SPIDR: variants seen among roughly 807,000 people sequenced by gnomAD.
The protein encoded by SPIDR is DNA repair-scaffolding protein.
In SPIDR, 93 loss-of-function variants were observed where a neutral mutation model predicts 104.6. That is an observed-to-expected ratio of 0.89 (90% CI 0.75 to 1.06). SPIDR has a LOEUF of 1.06. SPIDR is among the 50% of genes least tolerant of loss of function. SPIDR has a pLI of 0.00. For missense variants in SPIDR, 1,154 were observed against 1,111.2 expected (o/e 1.04, Z -0.55); for synonymous variants, 431 against 416.9 (o/e 1.03, Z -0.41).
intron 5 of SPIDR, among the ~76,000 whole-genome samples, chr8:47,342,115 G>C (rs1554614470): frequency 6.6e-6 from 1 of 152,080 alleles, no homozygotes; most frequent in African/African-American, 2.4e-5. Context: ...ATTTAGTATG[G>C]GAGGAGGATT....
intron 7 of SPIDR, among the ~76,000 whole-genome samples, chr8:47,424,450 AC>A (rs2066086517): frequency 1.3e-5 from 2 of 152,096 alleles, no homozygotes. Flanking sequence ...GACTACAGTC[AC>A]ATGCCACCAC....
At chr8:47,696,263 T>G (rs1399415025) in intron 11 of SPIDR, among the ~76,000 whole-genome samples, 3 of 152,254 alleles carry the variant, frequency 2.0e-5, no homozygotes, top group Non-Finnish European at 4.4e-5. Flanking sequence ...CTTTGTGATT[T>G]GTTTTCTACT....
intron 1 of SPIDR, among the ~76,000 whole-genome samples, chr8:47,261,286 G>A (rs930270255): frequency 2.1e-4 from 32 of 152,352 alleles, no homozygotes; most frequent in African/African-American, 7.7e-4. Flanking sequence ...CCGCCTCGGG[G>A]GTACTTGGCC....
intron 5 of SPIDR, among the ~76,000 whole-genome samples, chr8:47,391,332 A>C (rs144955151): frequency 1.1e-4 from 17 of 151,720 alleles, no homozygotes; most frequent in African/African-American, 4.1e-4. Context: ...GAGCTCAGGA[A>C]TTTGAGACCA....
intron 10 of SPIDR, among the ~76,000 whole-genome samples, chr8:47,620,708 C>G (rs2065027344): frequency 6.6e-6 from 1 of 151,810 alleles, no homozygotes; most frequent in Admixed American, 6.6e-5. Flanking sequence ...ATCTCCACCT[C>G]CCGGGTTCAA....
chr8:47,454,324 G>T (rs2072511812), intron 8 of SPIDR, among the ~76,000 whole-genome samples: 1 of 152,124 alleles, frequency 6.6e-6, no homozygotes. Flanking sequence ...CATGTCCTTT[G>T]TAGGGATATG....
intron 8 of SPIDR, among the ~76,000 whole-genome samples, chr8:47,473,509 C>T (rs782042290): frequency 1.1e-4 from 17 of 152,320 alleles, no homozygotes; most frequent in Non-Finnish European, 2.5e-4. Flanking sequence ...CTGAAAAGCT[C>T]ATAATTCTCC....
At position 47,545,071 on chromosome 8, in the gene SPIDR, TTTTCTTTCTTTCTTTCTTTCTTTC is replaced by T. The variant is rs566816481; in HGVS notation, c.1098-50712_1098-50689del. Reference sequence around the variant, plus strand: ...TTACACCAAAGTCTTTCTTTTTATCTTTTCTTTCTTTCTTTCTTTCTTTCTTTCTTTCTTTCTTTCTTTCTTTCT... The same window carrying T: ...TTACACCAAAGTCTTTCTTTTTATCTTTTCTTTCTTTCTTTCTTTCTTTCT... On this transcript the variant is annotated intron_variant, in intron 8 of 19. Transcript: ENST00000297423. 4.4e-3 allele frequency among the ~76,000 whole-genome samples: 550 copies of T among 124,772 alleles called. 7 individuals are homozygous for T. Among genetic ancestry groups the T allele is most frequent in the African/African-American group, 0.013 (407 of 32,292 alleles). 81.9% of individuals were successfully genotyped at this position (124,772 alleles called of 152,430 possible).
At chr8:47,512,184 T>C (rs973015274) in intron 8 of SPIDR, 5 of 367,808 alleles carry the variant, frequency 1.4e-5, no homozygotes, top group Non-Finnish European at 2.5e-5. Flanking sequence ...TACTTTCTTA[T>C]CATTTCTAAA....
chr8:47,577,772 G>C (rs541369597), intron 8 of SPIDR, among the ~76,000 whole-genome samples: 1 of 152,150 alleles, frequency 6.6e-6, no homozygotes, highest in Non-Finnish European at 1.5e-5. Flanking sequence ...GGGTCCAATA[G>C]CATCAACATA....
In SPIDR at chr8:47,505,015, G is replaced by A. The variant is rs186026872; in HGVS notation, c.1097+64473G>A. ...GAAGTTTTGTCTCAGCGGAGTACCC[G>A]GCCGTGTGAGGTGTCAGTCTGCCCC... On this transcript the variant is annotated intron_variant, in intron 8 of 19. Coordinates refer to ENST00000297423, the MANE Select transcript of SPIDR (RefSeq NM_001080394.4). 1.9e-4 allele frequency among the ~76,000 whole-genome samples: 29 copies of A among 151,130 alleles called. No homozygotes were observed. The East Asian group carries it at 5.7e-3, about 29-fold the overall frequency.
At chr8:47,706,844 G>A (rs1034630829) in intron 14 of SPIDR, among the ~76,000 whole-genome samples, 4 of 152,144 alleles carry the variant, frequency 2.6e-5, no homozygotes, top group Admixed American at 1.3e-4. Context: ...GTGGCCAGTC[G>A]CAGTGCCTCA....
chr8:47,461,868 C>G (rs1297239220), intron 8 of SPIDR, among the ~76,000 whole-genome samples: 1 of 151,576 alleles, frequency 6.6e-6, no homozygotes, highest in Non-Finnish European at 1.5e-5. Context: ...TTCTCTGATG[C>G]CTCCTTGATT....
chr8:47,328,973 G>T (rs1330463052), intron 5 of SPIDR, among the ~76,000 whole-genome samples: 1 of 151,718 alleles, frequency 6.6e-6, no homozygotes, highest in Non-Finnish European at 1.5e-5. Flanking sequence ...GTGGCAGAAT[G>T]TTGGCTCATG....
intron 11 of SPIDR, among the ~76,000 whole-genome samples, chr8:47,693,742 G>A (rs1367818019): frequency 2.0e-5 from 3 of 152,204 alleles, no homozygotes; most frequent in Non-Finnish European, 2.9e-5. Flanking sequence ...GGGCAGAGGC[G>A]CCTCAGAGTG....
At chr8:47,387,027 G>C (rs566718616) in intron 5 of SPIDR, among the ~76,000 whole-genome samples, 56 of 152,232 alleles carry the variant, frequency 3.7e-4, no homozygotes, top group African/African-American at 1.3e-3. Context: ...ATTTCTGCTA[G>C]GGTGCTGAAG....
chr8:47,404,266 A>G (rs1451299215), intron 6 of SPIDR, among the ~76,000 whole-genome samples: 5 of 152,244 alleles, frequency 3.3e-5, no homozygotes, highest in African/African-American at 4.8e-5. Flanking sequence ...AACCTAGGCA[A>G]TACCATTCAG....
chr8:47,318,379 A>G (rs1191085946), intron 5 of SPIDR, among the ~76,000 whole-genome samples: 8 of 151,650 alleles, frequency 5.3e-5, no homozygotes, highest in African/African-American at 1.5e-4. Flanking sequence ...TGAAGTGAGA[A>G]GAGAAGTTTA....
At chr8:47,697,125 A>G (rs778470398) in intron 11 of SPIDR, among the ~76,000 whole-genome samples, 49 of 152,104 alleles carry the variant, frequency 3.2e-4, no homozygotes, top group Non-Finnish European at 5.0e-4. Flanking sequence ...AAGTGAGAAC[A>G]TGTTCTCAGA....
Sources: gnomAD v4.1 joint callset for allele counts (sites outside exome capture counted in the v4.1 genomes callset) on GRCh38, gnomAD v4.1.1 for gene constraint, MANE v1.5 for transcripts, NCBI Gene and HGNC (gene_info 2026-07-23, HGNC 2026-07-21) for gene names.